The following EDIL3 variants were observed in gnomAD, a reference collection of about 807,000 sequenced individuals.
EDIL3 encodes the protein EGF-like repeat and discoidin I-like domain-containing protein 3.
Under a neutral mutation model 67.4 loss-of-function variants are expected in EDIL3, and 37 were observed. The ratio of observed to expected loss-of-function variants is 0.55; its 90% CI spans 0.42 to 0.72. EDIL3 has a LOEUF of 0.72. Among genes scored for constraint, EDIL3 ranks in the 30% least tolerant of loss-of-function variants. The probability of loss-of-function intolerance (pLI) is 0.00; values close to 1 mark genes in which losing one functional copy is unlikely to be tolerated. For synonymous variants in EDIL3, 195 were observed against 196.3 expected, an observed-to-expected ratio of 0.99 and a Z score of 0.05; for missense variants, 527 against 586.3, an observed-to-expected ratio of 0.90 and a Z score of 1.04.
intron 1 of EDIL3, among the ~76,000 whole-genome samples, chr5:84,316,544 C>A (rs190767848): frequency 6.6e-6 from 1 of 152,214 alleles, no homozygotes; most frequent in African/African-American, 2.4e-5. Flanking sequence ...GGGATCAATG[C>A]AACAAGAAGA....
intron 1 of EDIL3, among the ~76,000 whole-genome samples, chr5:84,367,685 A>G (rs1747768945): frequency 6.6e-6 from 1 of 152,154 alleles, no homozygotes. Context: ...TGGGAGGCTG[A>G]GACAGGCGAA....
At chr5:84,100,066 TCA>T (rs1747334248) in intron 6 of EDIL3, among the ~76,000 whole-genome samples, 1 of 152,016 alleles carries the variant, frequency 6.6e-6, no homozygotes, top group African/African-American at 2.4e-5. Context: ...CATTAAAAAG[TCA>T]GGAAACAACA....
chr5:84,271,416 C>CAAATAAAT (rs70975550), intron 1 of EDIL3, among the ~76,000 whole-genome samples: 4,930 of 140,898 alleles, frequency 0.035, 106 homozygotes, highest in Non-Finnish European at 0.039. Context: ...TCTGTCTCTA[C>CAAATAAAT]AAATAAATAA....
intron 9 of EDIL3, among the ~76,000 whole-genome samples, chr5:84,011,022 C>T (rs1745507917): frequency 6.6e-6 from 1 of 152,172 alleles, no homozygotes; most frequent in African/African-American, 2.4e-5. Flanking sequence ...CTCCATGTCA[C>T]ATCTCAGCGT....
intron 1 of EDIL3, among the ~76,000 whole-genome samples, chr5:84,308,119 T>C (rs963984574): frequency 6.6e-6 from 1 of 152,006 alleles, no homozygotes; most frequent in Admixed American, 6.6e-5. Context: ...AAACTCAGTG[T>C]GAGAGAAGTG....
At position 84,254,079 on chromosome 5, in the gene EDIL3, C is replaced by A; in HGVS notation, c.196+5G>T. 6.3e-7 allele frequency: 1 copy of A among 1,582,440 alleles called. No homozygotes were observed. Among genetic ancestry groups the A allele is most frequent in the Non-Finnish European group, 8.6e-7 (1 of 1,166,874 alleles). ...ACTACTGAAATACTTAAATTTTGCACTTACCAACCTCCACAACACTAGAAC... is the reference window on the plus strand; with the variant it reads ...ACTACTGAAATACTTAAATTTTGCAATTACCAACCTCCACAACACTAGAAC... On this transcript the variant is annotated splice_donor_5th_base_variant and intron_variant, in intron 2 of 10. Coordinates refer to ENST00000296591, the MANE Select transcript of EDIL3 (RefSeq NM_005711.5).
chr5:83,963,899 A>G (rs1744647374), intron 9 of EDIL3, among the ~76,000 whole-genome samples: 1 of 151,834 alleles, frequency 6.6e-6, no homozygotes, highest in Non-Finnish European at 1.5e-5. Flanking sequence ...AATAATATAT[A>G]ATTGAGTAAT....
At chr5:84,381,994 A>AT (rs1748085877) in intron 1 of EDIL3, among the ~76,000 whole-genome samples, 1 of 152,200 alleles carries the variant, frequency 6.6e-6, no homozygotes, top group Non-Finnish European at 1.5e-5. Context: ...TGCAAGGAAA[A>AT]TTCTGTGTTA....
At chr5:84,207,735 T>A (rs1202467297) in intron 3 of EDIL3, among the ~76,000 whole-genome samples, 1 of 151,742 alleles carries the variant, frequency 6.6e-6, no homozygotes, top group Non-Finnish European at 1.5e-5. Flanking sequence ...CCCTCAGAAA[T>A]AATGCCGCAT....
chr5:84,339,831 G>A (rs982911900), intron 1 of EDIL3, among the ~76,000 whole-genome samples: 1 of 151,906 alleles, frequency 6.6e-6, no homozygotes, highest in Non-Finnish European at 1.5e-5. Context: ...ATGAGGGGCA[G>A]GCTATCCTAG....
intron 1 of EDIL3, among the ~76,000 whole-genome samples, chr5:84,328,933 A>G (rs1000729765): frequency 6.6e-6 from 1 of 152,070 alleles, no homozygotes; most frequent in African/African-American, 2.4e-5. Context: ...TTCATCTTCT[A>G]AAAGAACCAC....
At chr5:84,026,761 T>C (rs190970300) in intron 9 of EDIL3, among the ~76,000 whole-genome samples, 3 of 152,158 alleles carry the variant, frequency 2.0e-5, no homozygotes, top group Non-Finnish European at 4.4e-5. Flanking sequence ...CATCATCTAC[T>C]AAGTTCTTAA....
intron 1 of EDIL3, among the ~76,000 whole-genome samples, chr5:84,346,028 T>C (rs1747230928): frequency 6.6e-6 from 1 of 152,158 alleles, no homozygotes. Context: ...TTTTAAAAAC[T>C]GATGCTTATA....
intron 3 of EDIL3, among the ~76,000 whole-genome samples, chr5:84,183,340 T>G (rs374443309): frequency 2.0e-4 from 31 of 152,172 alleles, no homozygotes; most frequent in African/African-American, 6.7e-4. Flanking sequence ...GAGGGGAGAA[T>G]GAAATGATAG....
intron 4 of EDIL3, among the ~76,000 whole-genome samples, chr5:84,161,130 T>C (rs185833403): frequency 6.6e-6 from 1 of 152,208 alleles, no homozygotes; most frequent in East Asian, 1.9e-4. Context: ...CTTAGAATAA[T>C]GGTCTCTAAT....
chr5:84,143,039 T>C lies in EDIL3; in HGVS notation c.356-5685A>G, dbSNP rs182936813. Among the ~76,000 whole-genome samples, 36 of 152,158 alleles carry C rather than the reference T, an allele frequency of 2.4e-4. 1 individual carries two copies. Among genetic ancestry groups the C allele is most frequent in the Middle Eastern group, 3.4e-3 (1 of 294 alleles). Reference sequence around the variant, plus strand: ...TATTCTCCAGACCTCCCATGAGTGATTGCCTTTTAAAGTTTGACCTTTTAT... The same window carrying C: ...TATTCTCCAGACCTCCCATGAGTGACTGCCTTTTAAAGTTTGACCTTTTAT... On this transcript the variant is annotated intron_variant, in intron 4 of 10. Coordinates refer to ENST00000296591, the MANE Select transcript of EDIL3 (RefSeq NM_005711.5).
At chr5:84,299,760 ATG>A (rs1746120762) in intron 1 of EDIL3, among the ~76,000 whole-genome samples, 2 of 152,120 alleles carry the variant, frequency 1.3e-5, no homozygotes, top group Admixed American at 6.6e-5. Context: ...GTACATATGT[ATG>A]TATAACCTCT....
intron 9 of EDIL3, among the ~76,000 whole-genome samples, chr5:83,990,597 T>C (rs1403321651): frequency 6.6e-6 from 1 of 151,680 alleles, no homozygotes; most frequent in Non-Finnish European, 1.5e-5. Context: ...AGAAAATGGG[T>C]TGGCCGGGCA....
chr5:84,114,691 T>A (rs560505495), intron 5 of EDIL3, among the ~76,000 whole-genome samples: 60 of 152,312 alleles, frequency 3.9e-4, no homozygotes, highest in South Asian at 3.9e-3. Context: ...TCCATATAAA[T>A]TGCACGTGTA....
Sources: gnomAD v4.1 joint callset for allele counts (sites outside exome capture counted in the v4.1 genomes callset) on GRCh38, gnomAD v4.1.1 for gene constraint, MANE v1.5 for transcripts, NCBI Gene and HGNC (gene_info 2026-07-23, HGNC 2026-07-21) for gene names.